The following SPG11 variants were observed in gnomAD, a reference collection of about 807,000 sequenced individuals.
SPG11 encodes the protein SPG11 vesicle trafficking associated, spatacsin.
A neutral mutation model predicts 274.0 loss-of-function variants in SPG11; 222 were observed. The ratio of observed to expected loss-of-function variants is 0.81; its 90% CI spans 0.73 to 0.91. The LOEUF is 0.91. Among genes scored for constraint, SPG11 ranks in the 40% least tolerant of loss-of-function variants. The probability of loss-of-function intolerance (pLI) is 0.00; values close to 1 mark genes in which losing one functional copy is unlikely to be tolerated. For synonymous variants in SPG11, 1,144 were observed against 1,039.7 expected (o/e 1.10, Z -1.93); for missense variants, 3,114 against 2,872.7 (o/e 1.08, Z -1.92).
Position 44,657,181 on chromosome 15 carries a change from T to A in SPG11, c.783A>T (p.Ser261=). ...CATCGAGGTCTTGAGAAACTTTCAG[T>A]GAAGTAAATGAAGAAATCTTGGCTG... ...QEPAKISSFT[S]LKVSQDLDVA... Residue 261 remains serine (S), a synonymous_variant, in exon 4 of 40, where the codon TCA becomes TCT. Coordinates refer to ENST00000261866, the MANE Select transcript of SPG11 (RefSeq NM_025137.4). 1.2e-6 allele frequency: 2 copies of A among 1,614,168 alleles called. No individual in the cohort carries two copies. The highest frequency in any genetic ancestry group is 1.7e-6 in the Non-Finnish European group (2 of 1,180,026).
intron 17 of SPG11, among the ~76,000 whole-genome samples, chr15:44,612,460 G>A (rs1217904037): frequency 6.6e-6 from 1 of 152,038 alleles, no homozygotes; most frequent in African/African-American, 2.4e-5. Context: ...TGTCAACTAG[G>A]CTGGAGTGCA....
chr15:44,573,036 G>C (rs957859946), intron 32 of SPG11, among the ~76,000 whole-genome samples: 4 of 146,952 alleles, frequency 2.7e-5, no homozygotes, highest in Non-Finnish European at 5.9e-5. Flanking sequence ...ATCCAGGCTG[G>C]AGTGCAGTGG....
chr15:44,566,335 G>T, intron 36 of SPG11, 30 bp from the exon 37 acceptor site: 1 of 1,599,458 alleles, frequency 6.3e-7, no homozygotes, highest in Non-Finnish European at 8.6e-7. Context: ...GATTTGCCGA[G>T]TCTGACTCCC....
chr15:44,634,662 C>A (rs1800183307), intron 7 of SPG11, among the ~76,000 whole-genome samples: 1 of 152,022 alleles, frequency 6.6e-6, no homozygotes. Context: ...TCTTGGCTCA[C>A]TGCAATCTCC....
At chr15:44,610,774 C>T (rs1595878653) in intron 18 of SPG11, 66 bp downstream of exon 18, 1 of 1,377,912 alleles carries the variant, frequency 7.3e-7, no homozygotes, top group East Asian at 2.3e-5. Context: ...GAGATCTAGA[C>T]AATCCATAGA....
intron 19 of SPG11, among the ~76,000 whole-genome samples, chr15:44,608,153 G>C (rs565262007): frequency 3.9e-5 from 6 of 152,236 alleles, no homozygotes; most frequent in African/African-American, 1.4e-4. Context: ...TATGTTCCTG[G>C]TTCCCATTAG....
chr15:44,562,904 A>AT lies in SPG11; in HGVS notation c.*216_*217insA. The AT allele has an allele frequency of 1.8e-6, 1 of 554,556 alleles. No individual in the cohort carries two copies. The highest frequency in any genetic ancestry group is 3.2e-6 in the Non-Finnish European group (1 of 310,506). 34.4% of individuals were successfully genotyped at this position (554,556 alleles called of 1,614,324 possible). On this transcript the variant is annotated 3_prime_UTR_variant, in exon 40 of 40. Transcript: ENST00000261866. Reference sequence around the variant, plus strand: ...TGATCTTAATACTAGTATCTATATAAAATGGTGTGGATGAACAATCATCTA... The same window carrying AT: ...TGATCTTAATACTAGTATCTATATAATAATGGTGTGGATGAACAATCATCTA...
In SPG11 at chr15:44,575,028, A is replaced by G; in HGVS notation, c.5880T>C (p.Asp1960=). The change falls in exon 31 of 40, where the codon GAT becomes GAC. Residue 1960 remains aspartate, a synonymous_variant. Transcript: ENST00000261866. The stretch of plus-strand genomic sequence containing the variant: ...AGGGCACTGTCACAAACTTCTGACT[A>G]TCCAGACTTGAAGCTGGAAGCAAAT... The part of the protein sequence containing the change: ...LRRVHSTSSL[D]SQKFVTVPSS... 6.2e-7 allele frequency: 1 copy of G among 1,614,050 alleles called. No homozygotes were observed. The highest frequency in any genetic ancestry group is 8.5e-7 in the Non-Finnish European group (1 of 1,180,028).
At chr15:44,571,190 T>C (rs1036341664) in intron 33 of SPG11, among the ~76,000 whole-genome samples, 1 of 152,214 alleles carries the variant, frequency 6.6e-6, no homozygotes, top group Admixed American at 6.5e-5. Context: ...AGGTTCTCCA[T>C]CCTTAAAACA....
At chr15:44,653,046 G>C (rs1030637137) in intron 4 of SPG11, among the ~76,000 whole-genome samples, 2 of 152,142 alleles carry the variant, frequency 1.3e-5, no homozygotes, top group Non-Finnish European at 1.5e-5. Flanking sequence ...ATGTGGAAAA[G>C]GGGGCTGTTA....
Position 44,584,572 on chromosome 15 carries a change from C to T in SPG11, c.5122-14G>A. 1.2e-6 allele frequency: 2 copies of T among 1,605,504 alleles called. No individual in the cohort carries two copies. Among genetic ancestry groups the T allele is most frequent in the Non-Finnish European group, 1.7e-6 (2 of 1,179,900 alleles). On this transcript the variant is annotated splice_polypyrimidine_tract_variant and intron_variant, in intron 29 of 39. Transcript: ENST00000261866. ...TTCCTGTGTTATCTGTGAAATTTAACAAAGCAGATTTTAGCCTTTCTTGGA... is the reference window on the plus strand; with the variant it reads ...TTCCTGTGTTATCTGTGAAATTTAATAAAGCAGATTTTAGCCTTTCTTGGA...
rs1163434481 is a variant in SPG11 at position 44,569,408 on chromosome 15, T to A, written c.6575A>T (p.Lys2192Met). The A allele has an allele frequency of 6.2e-7, 1 of 1,602,186 alleles. No individual in the cohort carries two copies. The change falls in exon 35 of 40, where the codon AAG (lysine) becomes ATG (methionine). Residue 2192 changes from lysine (K) to methionine (M), a missense_variant. By Grantham distance (95) the Lys-to-Met change is moderately conservative. Transcript: ENST00000261866. ...TTACTTTGCACCTACCGGATCCAAC[T>A]TCTTCCTCATTAGCACTTCAAAGTA... ...KHYFEVLMRK[K>M]LDPSGTLKTA...
Position 44,592,426 on chromosome 15 carries a change from G to C in SPG11, c.4648C>G (p.Leu1550Val). ...AGTTCATACATCTCCATCACCAGTA[G>C]TAACGGGGAATCCTTTGACAAAGAG... ...FQLFFKDSPL[L>V]LVMEMYELCM... Residue 1550 changes from leucine to valine, a missense_variant, in exon 27 of 40, where the codon CTA becomes GTA. By Grantham distance (32) the Leu-to-Val change is conservative (BLOSUM62 1). Coordinates refer to ENST00000261866, the MANE Select transcript of SPG11 (RefSeq NM_025137.4). 1 of 1,594,686 alleles carries C rather than the reference G, an allele frequency of 6.3e-7. No homozygotes were observed. The highest frequency in any genetic ancestry group is 8.6e-7 in the Non-Finnish European group (1 of 1,162,412).
intron 20 of SPG11, among the ~76,000 whole-genome samples, chr15:44,601,531 G>A (rs1164489193): frequency 6.6e-6 from 1 of 150,838 alleles, no homozygotes; most frequent in Non-Finnish European, 1.5e-5. Context: ...AGAGTGCTAG[G>A]ATTACATGCG....
chr15:44,653,235 G>C (rs1183931408), intron 4 of SPG11, among the ~76,000 whole-genome samples: 1 of 152,150 alleles, frequency 6.6e-6, no homozygotes, highest in Non-Finnish European at 1.5e-5. Context: ...AATATGAACA[G>C]ATGCAGCAGA....
chr15:44,659,930 G>A (rs1284917220), intron 2 of SPG11, among the ~76,000 whole-genome samples: 2 of 152,248 alleles, frequency 1.3e-5, no homozygotes, highest in Admixed American at 6.5e-5. Context: ...GCGTGGCGGC[G>A]GGCGCCTGTA....
intron 7 of SPG11, among the ~76,000 whole-genome samples, chr15:44,643,540 G>A (rs964467861): frequency 6.6e-6 from 1 of 151,934 alleles, no homozygotes; most frequent in Non-Finnish European, 1.5e-5. Flanking sequence ...TGAACTTAAC[G>A]TGCATAATAA....
Position 44,608,440 on chromosome 15 carries a change from G to GTACC in SPG11, c.3453_3453+3dup, listed in dbSNP as rs1567159296. On this transcript the variant is annotated splice_donor_region_variant and intron_variant, in intron 19 of 39. Transcript: ENST00000261866. ...CCTAAATATTGGCCACCTAAATACT[G>GTACC]TACCTGAATAAGGTGGTAGATTGTA... The GTACC allele has an allele frequency of 6.2e-7, 1 of 1,613,980 alleles. No homozygotes were observed. The highest frequency in any genetic ancestry group is 1.7e-5 in the Admixed American group (1 of 59,998).
intron 28 of SPG11, among the ~76,000 whole-genome samples, chr15:44,588,998 C>T (rs1361353490): frequency 6.6e-6 from 1 of 152,074 alleles, no homozygotes; most frequent in Non-Finnish European, 1.5e-5. Context: ...TAGAAGCCAG[C>T]CAGGAGGAAA....
Sources: gnomAD v4.1 joint callset for allele counts (sites outside exome capture counted in the v4.1 genomes callset) on GRCh38, gnomAD v4.1.1 for gene constraint, MANE v1.5 for transcripts, NCBI Gene and HGNC (gene_info 2026-07-23, HGNC 2026-07-21) for gene names.